The following SLC25A48 variants were observed in gnomAD, a reference collection of about 807,000 sequenced individuals.
SLC25A48 encodes CTC-321K16.1.
Under a neutral mutation model 32.2 loss-of-function variants are expected in SLC25A48, and 29 were observed. That is an observed-to-expected ratio of 0.90 (90% CI 0.67 to 1.23). The LOEUF is 1.23. Among genes scored for constraint, SLC25A48 ranks in the 50% most tolerant of loss-of-function variants. The probability of loss-of-function intolerance (pLI) is 0.00; values close to 1 mark genes in which losing one functional copy is unlikely to be tolerated. For missense variants in SLC25A48, 399 were observed against 422.7 expected (o/e 0.94, Z 0.49); for synonymous variants, 164 against 172.3 (o/e 0.95, Z 0.38).
chr5:135,681,771 C>T (rs1344040590), intron 3 of SLC25A48, among the ~76,000 whole-genome samples: 1 of 152,188 alleles, frequency 6.6e-6, no homozygotes, highest in Admixed American at 6.5e-5. Flanking sequence ...TTATTCAAGG[C>T]CAGAACAGCC....
At chr5:135,700,027 C>T (rs1754354383) in intron 3 of SLC25A48, among the ~76,000 whole-genome samples, 1 of 152,138 alleles carries the variant, frequency 6.6e-6, no homozygotes, top group Non-Finnish European at 1.5e-5. Flanking sequence ...GTCTGCCCCT[C>T]ATTTTGTTAT....
At chr5:135,849,090 G>T (rs1383611238) in intron 2 of SLC25A48, among the ~76,000 whole-genome samples, 1 of 152,200 alleles carries the variant, frequency 6.6e-6, no homozygotes, top group Non-Finnish European at 1.5e-5. Context: ...GCTTATCGTA[G>T]GAAAGTTGGA....
intron 3 of SLC25A48, among the ~76,000 whole-genome samples, chr5:135,671,192 G>A (rs1753645428): frequency 1.3e-5 from 2 of 152,346 alleles, no homozygotes; most frequent in African/African-American, 4.8e-5. Flanking sequence ...GAAGGAAAAG[G>A]AATGCCTTTT....
At chr5:135,846,191 CTGATGGTT>C (rs1176246847) in intron 2 of SLC25A48, among the ~76,000 whole-genome samples, 1 of 152,208 alleles carries the variant, frequency 6.6e-6, no homozygotes, top group Non-Finnish European at 1.5e-5. Flanking sequence ...GCCTGATTAT[CTGATGGTT>C]TCACCTCAAA....
chr5:135,667,752 A>C (rs1753557411), intron 3 of SLC25A48, among the ~76,000 whole-genome samples: 1 of 152,226 alleles, frequency 6.6e-6, no homozygotes, highest in Non-Finnish European at 1.5e-5. Flanking sequence ...TGAATGAATG[A>C]CGTAAAGCCA....
intron 3 of SLC25A48, among the ~76,000 whole-genome samples, chr5:135,694,561 A>G (rs1754223489): frequency 6.6e-6 from 1 of 152,094 alleles, no homozygotes; most frequent in African/African-American, 2.4e-5. Context: ...TGGAAGCCAC[A>G]TTGATTATTT....
At chr5:135,816,036 G>A (rs975982775) in intron 4 of SLC25A48, among the ~76,000 whole-genome samples, 1 of 152,174 alleles carries the variant, frequency 6.6e-6, no homozygotes, top group African/African-American at 2.4e-5. Context: ...TACAGTCATG[G>A]CGGAAGGTGA....
intron 2 of SLC25A48, 21 bp from the exon 3 acceptor site, chr5:135,850,404 T>G: frequency 1.2e-6 from 2 of 1,613,908 alleles, no homozygotes; most frequent in African/African-American, 2.7e-5. Flanking sequence ...CGCTGACCCA[T>G]GTCCTTGCCT....
chr5:135,806,596 TATC>T (rs1173983785), intron 3 of SLC25A48, among the ~76,000 whole-genome samples: 11 of 149,616 alleles, frequency 7.4e-5, no homozygotes, highest in East Asian at 2.0e-4. Flanking sequence ...GATTTTTTAA[TATC>T]ATAGTGTTTT....
At chr5:135,768,691 G>A (rs957060420) in intron 3 of SLC25A48, among the ~76,000 whole-genome samples, 58 of 151,674 alleles carry the variant, frequency 3.8e-4, no homozygotes, top group African/African-American at 1.3e-3. Flanking sequence ...TCTGAATATC[G>A]CAGGAATGTG....
At chr5:135,705,869 A>G (rs1339703514) in intron 3 of SLC25A48, among the ~76,000 whole-genome samples, 1 of 152,096 alleles carries the variant, frequency 6.6e-6, no homozygotes, top group African/African-American at 2.4e-5. Flanking sequence ...CCCATGGCAA[A>G]GTCTCCCATC....
chr5:135,741,070 A>T (rs777770624), intron 3 of SLC25A48, among the ~76,000 whole-genome samples: 2 of 152,216 alleles, frequency 1.3e-5, no homozygotes, highest in African/African-American at 2.4e-5. Context: ...GCCCTATGCT[A>T]AGTGCTTTAC....
At chr5:135,879,804 T>C (rs898472378) in intron 6 of SLC25A48, among the ~76,000 whole-genome samples, 164 bp from the exon 7 acceptor site, 1 of 152,200 alleles carries the variant, frequency 6.6e-6, no homozygotes, top group African/African-American at 2.4e-5. Context: ...GGGCAGGGCA[T>C]GACTGGGACT....
intron 1 of SLC25A48, among the ~76,000 whole-genome samples, chr5:135,596,443 C>G (rs1230699805): frequency 6.6e-6 from 1 of 152,190 alleles, no homozygotes; most frequent in African/African-American, 2.4e-5. Context: ...AAGGACTTAA[C>G]AGCAACACCA....
intron 7 of SLC25A48, among the ~76,000 whole-genome samples, chr5:135,880,338 A>C (rs1046587914): frequency 6.6e-5 from 10 of 152,012 alleles, no homozygotes; most frequent in African/African-American, 2.4e-4. Flanking sequence ...ACCTGTTTCC[A>C]GACAGCTCGC....
intron 3 of SLC25A48, among the ~76,000 whole-genome samples, chr5:135,670,317 A>G (rs1561783558): frequency 6.6e-6 from 1 of 152,204 alleles, no homozygotes; most frequent in Non-Finnish European, 1.5e-5. Flanking sequence ...GGCTTTCTGC[A>G]GAACATAGAC....
chr5:135,841,506 C>A (rs1758986436), intron 1 of SLC25A48, among the ~76,000 whole-genome samples: 1 of 152,086 alleles, frequency 6.6e-6, no homozygotes, highest in African/African-American at 2.4e-5. Context: ...GACTGATTAA[C>A]AAGAGAAAAA....
At chr5:135,617,821 T>C (rs1403117988) in intron 1 of SLC25A48, among the ~76,000 whole-genome samples, 1 of 152,044 alleles carries the variant, frequency 6.6e-6, no homozygotes, top group Non-Finnish European at 1.5e-5. Context: ...TGATATGATT[T>C]TGGTTTTAAA....
At chr5:135,731,023 C>T (rs1755208091) in intron 3 of SLC25A48, among the ~76,000 whole-genome samples, 1 of 152,184 alleles carries the variant, frequency 6.6e-6, no homozygotes, top group African/African-American at 2.4e-5. Flanking sequence ...GTGAAGAGAC[C>T]ACAAAACAGG....
Sources: allele counts gnomAD v4.1 joint callset (sites outside exome capture counted in the v4.1 genomes callset), GRCh38; gene constraint gnomAD v4.1.1; transcripts MANE v1.5; gene names NCBI Gene and HGNC (gene_info 2026-07-23, HGNC 2026-07-21).